Variants in AKT3 observed in about 807,000 individuals in gnomAD.
AKT3 encodes AKT serine/threonine kinase 3, also known as RAC-gamma serine/threonine-protein kinase.
A neutral mutation model predicts 65.3 loss-of-function variants in AKT3; 15 were observed. The observed-to-expected ratio is 0.23, with a 90% CI of 0.15 to 0.35. The LOEUF (loss-of-function observed/expected upper bound fraction) is 0.35, where lower values mean the gene tolerates loss of function less well. Among genes scored for constraint, AKT3 ranks in the 10% least tolerant of loss-of-function variants. The pLI is 1.00. For synonymous variants in AKT3, 206 were observed against 183.8 expected (o/e 1.12, Z -0.98); for missense variants, 243 against 576.5 (o/e 0.42, Z 5.92).
chr1:243,631,361 G>C (rs1353984182), intron 6 of AKT3, among the ~76,000 whole-genome samples: 1 of 152,132 alleles, frequency 6.6e-6, no homozygotes, highest in African/African-American at 2.4e-5. Flanking sequence ...ACCCAGGCTG[G>C]AGTGCAGTGG....
rs183686507 is a variant in AKT3, at chr1:243,603,363, T to C, written c.696+10308A>G. The stretch of plus-strand genomic sequence containing the variant: ...TCCAATGGACAATTCTCAGTTATCA[T>C]TGTACAGTATTTAATATACTCTGTT... On this transcript the variant is annotated intron_variant, in intron 8 of 13. Transcript: ENST00000673466. Among the ~76,000 whole-genome samples the C allele has an allele frequency of 2.6e-5, 4 of 152,342 alleles. No individual in the cohort carries two copies. In the East Asian group the frequency reaches 5.8e-4, roughly 22 times the overall value.
chr1:243,660,583 A>G (rs1037187993), intron 4 of AKT3, among the ~76,000 whole-genome samples: 1 of 152,128 alleles, frequency 6.6e-6, no homozygotes, highest in Non-Finnish European at 1.5e-5. Context: ...AGCTATCTAT[A>G]ACAAACCCAC....
chr1:243,779,175 T>C (rs560947193), intron 2 of AKT3, among the ~76,000 whole-genome samples: 2 of 152,168 alleles, frequency 1.3e-5, no homozygotes, highest in South Asian at 2.1e-4. Flanking sequence ...TCAAATCGTT[T>C]GCTGTTACAC....
At chr1:243,813,512 T>C (rs549144904) in intron 2 of AKT3, among the ~76,000 whole-genome samples, 28 of 140,916 alleles carry the variant, frequency 2.0e-4, no homozygotes, top group Admixed American at 5.6e-4. Context: ...AAAAAGTACA[T>C]AATAAAAAAA....
intron 2 of AKT3, among the ~76,000 whole-genome samples, chr1:243,706,205 A>G (rs1029966986): frequency 5.9e-5 from 9 of 152,330 alleles, no homozygotes; most frequent in African/African-American, 2.2e-4. Context: ...ACCTACCACC[A>G]TTTGAAATAA....
chr1:243,718,575 G>A (rs1336244730), intron 2 of AKT3, among the ~76,000 whole-genome samples: 1 of 151,728 alleles, frequency 6.6e-6, no homozygotes, highest in Non-Finnish European at 1.5e-5. Context: ...TCAGCCTCCC[G>A]AGGCTGCTAC....
chr1:243,499,736 CTTT>C lies in AKT3; in HGVS notation c.*5510_*5512del, dbSNP rs1669050057. On this transcript the variant is annotated 3_prime_UTR_variant, in exon 14 of 14. Transcript: ENST00000673466. ...GAAGAACATGAGCTATTGAAACTTA[CTTT>C]TTATTATTTTTTCCAGTTACCCAGC... 2.5e-6 allele frequency: 4 copies of C among 1,601,284 alleles called. No individual in the cohort carries two copies. Among genetic ancestry groups the C allele is most frequent in the Admixed American group, 1.7e-5 (1 of 59,982 alleles).
intron 6 of AKT3, among the ~76,000 whole-genome samples, chr1:243,629,234 C>A (rs1413057264): frequency 6.6e-6 from 1 of 152,100 alleles, no homozygotes. Flanking sequence ...TGAGTTTGCA[C>A]CATTGCATTC....
intron 8 of AKT3, among the ~76,000 whole-genome samples, chr1:243,593,258 G>C (rs1291424621): frequency 1.3e-5 from 2 of 152,134 alleles, no homozygotes; most frequent in African/African-American, 4.8e-5. Context: ...CAAAATCATA[G>C]ATGTAAAAAC....
intron 3 of AKT3, among the ~76,000 whole-genome samples, chr1:243,690,612 T>G (rs1296595445): frequency 6.6e-6 from 1 of 152,082 alleles, no homozygotes; most frequent in Non-Finnish European, 1.5e-5. Flanking sequence ...CTATCCACAT[T>G]CTACAGGCCT....
At chr1:243,604,115 A>C (rs1677218600) in intron 8 of AKT3, among the ~76,000 whole-genome samples, 1 of 151,918 alleles carries the variant, frequency 6.6e-6, no homozygotes, top group Non-Finnish European at 1.5e-5. Context: ...GGCTGGTCTC[A>C]AACTCCTGGC....
chr1:243,634,877 CAAT>C (rs1352544639), intron 6 of AKT3, among the ~76,000 whole-genome samples: 1 of 151,924 alleles, frequency 6.6e-6, no homozygotes, highest in Non-Finnish European at 1.5e-5. Context: ...CCTACACTCT[CAAT>C]GATGAATACA....
rs116277387 is a variant in AKT3, at chr1:243,687,976, T to C, written c.172+7615A>G. 466 of 152,268 alleles carry C rather than the reference T, an allele frequency of 3.1e-3. 5 individuals are homozygous for C. The highest frequency in any genetic ancestry group is 0.01 in the African/African-American group (436 of 41,570). 9.4% of individuals were successfully genotyped at this position (152,268 alleles called of 1,614,324 possible). ...ACAGTGGGATACACCTGTTAACAGA[T>C]ATAACTTTCCATTTGTCTAAAAATT... On this transcript the variant is annotated intron_variant, in intron 3 of 13. Transcript: ENST00000673466.
chr1:243,840,753 G>A (rs1695193292), intron 2 of AKT3, among the ~76,000 whole-genome samples: 1 of 151,550 alleles, frequency 6.6e-6, no homozygotes, highest in Admixed American at 6.6e-5. Flanking sequence ...CAAGTTTAGA[G>A]ACAATGTCTG....
intron 2 of AKT3, among the ~76,000 whole-genome samples, chr1:243,824,672 A>G (rs1694060431): frequency 6.6e-6 from 1 of 152,234 alleles, no homozygotes; most frequent in Admixed American, 6.5e-5. Context: ...ATCACTGATC[A>G]TTCAAGAAAT....
intron 13 of AKT3, among the ~76,000 whole-genome samples, chr1:243,507,706 T>G (rs538012892): frequency 6.6e-6 from 1 of 152,332 alleles, no homozygotes; most frequent in Admixed American, 6.5e-5. Context: ...CAACTCTACT[T>G]GCTACATCCC....
At chr1:243,579,561 G>C (rs915948181) in intron 8 of AKT3, among the ~76,000 whole-genome samples, 4 of 152,154 alleles carry the variant, frequency 2.6e-5, no homozygotes, top group Non-Finnish European at 5.9e-5. Flanking sequence ...TAGGTGGGCT[G>C]AAAAGAGAAT....
intron 13 of AKT3, among the ~76,000 whole-genome samples, chr1:243,490,091 GA>G (rs1375755147): frequency 6.6e-6 from 1 of 152,186 alleles, no homozygotes; most frequent in African/African-American, 2.4e-5. Context: ...TGATTAATAT[GA>G]AAAATGCATC....
intron 8 of AKT3, among the ~76,000 whole-genome samples, chr1:243,578,856 C>G (rs1447734257): frequency 6.6e-6 from 1 of 152,080 alleles, no homozygotes; most frequent in African/African-American, 2.4e-5. Context: ...GAGAGAAAAC[C>G]GTACCAATCT....
Sources: allele counts gnomAD v4.1 joint callset (sites outside exome capture counted in the v4.1 genomes callset), GRCh38; gene constraint gnomAD v4.1.1; transcripts MANE v1.5; gene names NCBI Gene and HGNC (gene_info 2026-07-23, HGNC 2026-07-21).